MYH10: variants seen among roughly 807,000 people sequenced by gnomAD.
MYH10 encodes the protein myosin heavy chain 10, also known as myosin-10.
MYH10 carries 55 observed loss-of-function variants against 257.8 expected under a neutral mutation model. The ratio of observed to expected loss-of-function variants is 0.21; its 90% CI spans 0.17 to 0.27. MYH10 has a LOEUF of 0.27. Among genes scored for constraint, MYH10 ranks in the 10% least tolerant of loss-of-function variants. The probability of loss-of-function intolerance (pLI) is 1.00; values close to 1 mark genes in which losing one functional copy is unlikely to be tolerated. For missense variants in MYH10, 1,631 were observed against 2,500.6 expected (o/e 0.65, Z 7.42); for synonymous variants, 854 against 921.7 (o/e 0.93, Z 1.33).
At chr17:8,503,736 A>C (rs2080983465) in intron 28 of MYH10, among the ~76,000 whole-genome samples, 1 of 152,058 alleles carries the variant, frequency 6.6e-6, no homozygotes, top group South Asian at 2.1e-4. Flanking sequence ...ATTCATAAAC[A>C]ATTCCCTCTC....
intron 21 of MYH10, among the ~76,000 whole-genome samples, chr17:8,516,631 ATATC>A (rs2081476228): frequency 6.6e-6 from 1 of 152,228 alleles, no homozygotes; most frequent in Non-Finnish European, 1.5e-5. Flanking sequence ...TGCACAAAGT[ATATC>A]TATATACTTC....
Position 8,623,915 on chromosome 17 carries a change from T to C in MYH10, c.-31-638A>G, listed in dbSNP as rs191869994. Among the ~76,000 whole-genome samples, 60 of 152,290 alleles carry C rather than the reference T, an allele frequency of 3.9e-4. 1 individual carries two copies. Among genetic ancestry groups the C allele is most frequent in the Middle Eastern group, 3.4e-3 (1 of 294 alleles). On this transcript the variant is annotated intron_variant, in intron 1 of 42. Coordinates refer to ENST00000360416, the MANE Select transcript of MYH10 (RefSeq NM_001256012.3). Reference sequence around the variant, plus strand: ...ACACGGCAGCCTTTTGAATATGTCATGGTAGCAGTTCAGGCCTCTATTCCC... The same window carrying C: ...ACACGGCAGCCTTTTGAATATGTCACGGTAGCAGTTCAGGCCTCTATTCCC...
In MYH10 at chr17:8,475,376, A is replaced by C. The variant is rs67845466; in HGVS notation, c.*428T>G. On this transcript the variant is annotated 3_prime_UTR_variant, in exon 43 of 43. Coordinates refer to ENST00000360416, the MANE Select transcript of MYH10 (RefSeq NM_001256012.3). Reference sequence around the variant, plus strand: ...TCTAGGAGACTTGATGTGGCTGAGGAGTCGGGGGCCACGTGAACACAGAAC... The same window carrying C: ...TCTAGGAGACTTGATGTGGCTGAGGCGTCGGGGGCCACGTGAACACAGAAC... The C allele has an allele frequency of 0.51, 82,051 of 160,980 alleles. 21,925 individuals carry two copies. The highest frequency in any genetic ancestry group is 0.63 in the Middle Eastern group (193 of 308). 10.0% of individuals were successfully genotyped at this position (160,980 alleles called of 1,614,324 possible).
At chr17:8,497,905 C>T (rs940839441) in intron 30 of MYH10, among the ~76,000 whole-genome samples, 2 of 149,952 alleles carry the variant, frequency 1.3e-5, no homozygotes, top group East Asian at 2.0e-4. Context: ...GCAGTTACAT[C>T]GTCTTAGGTA....
At chr17:8,605,555 C>T (rs1157491794) in intron 2 of MYH10, among the ~76,000 whole-genome samples, 9 of 152,020 alleles carry the variant, frequency 5.9e-5, no homozygotes, top group Admixed American at 5.9e-4. Context: ...ACTAGCCTGG[C>T]CAAGATGGTG....
chr17:8,493,195 A>G (rs932037863), intron 32 of MYH10, among the ~76,000 whole-genome samples, 171 bp from the exon 33 acceptor site: 2 of 152,016 alleles, frequency 1.3e-5, no homozygotes, highest in African/African-American at 4.8e-5. Context: ...CCTCATCTCT[A>G]CTAAAAATAC....
chr17:8,490,120 C>A lies in MYH10; in HGVS notation c.4884+220G>T. On this transcript the variant is annotated intron_variant, in intron 35 of 42. Coordinates refer to ENST00000360416, the MANE Select transcript of MYH10 (RefSeq NM_001256012.3). The surrounding 1 kb of genome is among the most constrained non-coding windows in gnomAD (Gnocchi z 4.1). Reference sequence around the variant, plus strand: ...GGCTTTCTGACTGATAAGTGTCTGGCTTGTAGGCAGGAATGATACTGAGAA... The same window carrying A: ...GGCTTTCTGACTGATAAGTGTCTGGATTGTAGGCAGGAATGATACTGAGAA... The A allele has an allele frequency of 2.1e-6, 1 of 474,140 alleles. No homozygotes were observed. The highest frequency in any genetic ancestry group is 3.8e-6 in the Non-Finnish European group (1 of 262,976). The allele number at this position is 474,140 out of a possible 1,614,324, so 29.4% of individuals were successfully genotyped here.
rs554108865 is a variant in MYH10, at chr17:8,593,043, GAAT to G, written c.503-3938_503-3936del. ...AAGGCTAGTTCAACATCCCAAAGGT[GAAT>G]AATCTAATTCATCACATCAACAGAC... On this transcript the variant is annotated intron_variant, in intron 3 of 42. Transcript: ENST00000360416. Among the ~76,000 whole-genome samples, 7 of 144,736 alleles carry G rather than the reference GAAT, an allele frequency of 4.8e-5. No individual in the cohort carries two copies. In the South Asian group the frequency reaches 1.5e-3, roughly 32 times the overall value. The allele number at this position is 144,736 out of a possible 152,430, so 95.0% of individuals were successfully genotyped here.
chr17:8,559,714 G>A (rs1380985465), intron 7 of MYH10, among the ~76,000 whole-genome samples: 1 of 151,758 alleles, frequency 6.6e-6, no homozygotes, highest in African/African-American at 2.4e-5. Flanking sequence ...TTTGTTTTTT[G>A]GAAGACCCCT....
chr17:8,600,122 C>T (rs2084534916), intron 3 of MYH10, among the ~76,000 whole-genome samples: 1 of 152,250 alleles, frequency 6.6e-6, no homozygotes, highest in East Asian at 1.9e-4. Flanking sequence ...ATTATGTGAG[C>T]ATAACTCCAG....
intron 2 of MYH10, among the ~76,000 whole-genome samples, chr17:8,607,650 T>C (rs1221688217): frequency 6.6e-6 from 1 of 152,180 alleles, no homozygotes; most frequent in Non-Finnish European, 1.5e-5. Flanking sequence ...AGACACATGG[T>C]AGGAAGGCAA....
intron 3 of MYH10, among the ~76,000 whole-genome samples, chr17:8,600,123 A>AT (rs1489690612): frequency 1.3e-5 from 2 of 152,242 alleles, no homozygotes; most frequent in African/African-American, 4.8e-5. Context: ...TTATGTGAGC[A>AT]TAACTCCAGA....
At chr17:8,597,009 T>A (rs1447540142) in intron 3 of MYH10, among the ~76,000 whole-genome samples, 1 of 152,028 alleles carries the variant, frequency 6.6e-6, no homozygotes, top group African/African-American at 2.4e-5. Context: ...AGGTGCGTCG[T>A]CAAGGGGGAA....
chr17:8,474,661 C>T lies in MYH10; in HGVS notation c.*1143G>A, dbSNP rs1416705455. 1 of 152,664 alleles carries T rather than the reference C, an allele frequency of 6.6e-6. No homozygotes were observed. Among genetic ancestry groups the T allele is most frequent in the Non-Finnish European group, 1.5e-5 (1 of 68,050 alleles). 9.5% of individuals were successfully genotyped at this position (152,664 alleles called of 1,614,324 possible). On this transcript the variant is annotated 3_prime_UTR_variant, in exon 43 of 43. Transcript: ENST00000360416. Reference sequence around the variant, plus strand: ...TGATATATTCAACATTGTCTTAGTACTGTAGTGTCTAAGGCACTTTCCGTA... The same window carrying T: ...TGATATATTCAACATTGTCTTAGTATTGTAGTGTCTAAGGCACTTTCCGTA...
At chr17:8,606,209 T>C (rs181302176) in intron 2 of MYH10, among the ~76,000 whole-genome samples, 27 of 152,264 alleles carry the variant, frequency 1.8e-4, no homozygotes, top group Non-Finnish European at 3.4e-4. Flanking sequence ...TTACACAGAA[T>C]TGACCCTATG....
At chr17:8,489,035 A>C (rs1396725937) in intron 35 of MYH10, among the ~76,000 whole-genome samples, 1 of 152,128 alleles carries the variant, frequency 6.6e-6, no homozygotes, top group East Asian at 1.9e-4. Context: ...TTGGGAGATG[A>C]GGTCATAAAA....
At chr17:8,561,107 A>G in intron 7 of MYH10, 8 of 605,008 alleles carry the variant, frequency 1.3e-5, no homozygotes, top group South Asian at 4.0e-5. Context: ...TCCCCTCGAC[A>G]TCAAGCTGGA....
In MYH10 at chr17:8,492,360, C is replaced by T. The variant is rs1915898108; in HGVS notation, c.4608G>A (p.Gln1536=). ...CCATGTCTGCTCGGAGCTGCTTGTT[C>T]TGCCTCTCAAACTCCTCCTTGGCCT... The part of the protein sequence containing the change: ...ALEAKEEFER[Q]NKQLRADMED... Residue 1536 remains glutamine (Q), a synonymous_variant, in exon 34 of 43, where the codon CAG becomes CAA. Coordinates refer to ENST00000360416, the MANE Select transcript of MYH10 (RefSeq NM_001256012.3). 1.9e-6 allele frequency: 3 copies of T among 1,613,814 alleles called. No individual in the cohort carries two copies. Among genetic ancestry groups the T allele is most frequent in the African/African-American group, 1.3e-5 (1 of 75,052 alleles).
chr17:8,506,614 T>C lies in MYH10; in HGVS notation c.3215-125A>G, dbSNP rs532294218. On this transcript the variant is annotated intron_variant, in intron 26 of 42. Transcript: ENST00000360416. This position sits in a 1 kb window ranked among gnomAD's most constrained non-coding sequence, Gnocchi z 5.0. ...ATTCAAAAGCATGTCACTGCCCTGA[T>C]GACATGGTCATGCGCTGATGTCAAC... The C allele has an allele frequency of 1.2e-5, 12 of 998,196 alleles. No individual in the cohort carries two copies. The African/African-American group carries it at 1.7e-4, about 14-fold the overall frequency. 61.8% of individuals were successfully genotyped at this position (998,196 alleles called of 1,614,324 possible).
Sources: gnomAD v4.1 joint callset for allele counts (sites outside exome capture counted in the v4.1 genomes callset) on GRCh38, gnomAD v4.1.1 for gene constraint, Gnocchi (gnomAD v3.1) non-coding constraint, MANE v1.5 for transcripts, NCBI Gene and HGNC (gene_info 2026-07-23, HGNC 2026-07-21) for gene names.